KHDRBS1: variants seen among roughly 807,000 people sequenced by gnomAD.
The protein encoded by KHDRBS1 is KH domain-containing, RNA-binding, signal transduction-associated protein 1.
KHDRBS1 carries 7 observed loss-of-function variants against 48.4 expected under a neutral mutation model. The observed-to-expected ratio is 0.14, with a 90% CI of 0.08 to 0.27. The LOEUF is 0.27. KHDRBS1 is among the 10% of genes least tolerant of loss of function. The probability of loss-of-function intolerance (pLI) is 1.00; values close to 1 mark genes in which losing one functional copy is unlikely to be tolerated. For missense variants in KHDRBS1, 458 were observed against 601.2 expected, an observed-to-expected ratio of 0.76 and a Z score of 2.49; for synonymous variants, 241 against 235.8, an observed-to-expected ratio of 1.02 and a Z score of -0.20.
chr1:32,048,099 A>C (rs1358979957), downstream of KHDRBS1, among the ~76,000 whole-genome samples: 1 of 152,200 alleles, frequency 6.6e-6, no homozygotes, highest in East Asian at 1.9e-4. Flanking sequence ...TTTATCTCTC[A>C]TTTTGAATGA....
Position 32,014,122 on chromosome 1 carries a change from C to A in KHDRBS1, c.127C>A (p.Arg43=). 5.0e-6 allele frequency: 7 copies of A among 1,412,474 alleles called. No individual in the cohort carries two copies. Among genetic ancestry groups the A allele is most frequent in the Non-Finnish European group, 6.5e-6 (7 of 1,084,210 alleles). 87.5% of individuals were successfully genotyped at this position (1,412,474 alleles called of 1,614,324 possible). ...GTCTCGGCAGCCGCCGCTGCCTCAC[C>A]GGTCCCGGGGAGGCGGAGGGGGATC... ...TPSRQPPLPH[R]SRGGGGGSRG... The change falls in exon 1 of 9, where the codon CGG becomes AGG. Residue 43 remains arginine (R), a synonymous_variant. Coordinates refer to ENST00000327300, the MANE Select transcript of KHDRBS1 (RefSeq NM_006559.3).
At chr1:32,017,669 G>A (rs963449506) in intron 1 of KHDRBS1, among the ~76,000 whole-genome samples, 2 of 138,066 alleles carry the variant, frequency 1.4e-5, no homozygotes, top group African/African-American at 5.5e-5. Context: ...GTGCAATGGC[G>A]CGATCTTGGC....
chr1:32,049,391 C>T (rs1475722544), intron 10 of KHDRBS1, among the ~76,000 whole-genome samples: 2 of 151,452 alleles, frequency 1.3e-5, no homozygotes, highest in Non-Finnish European at 2.9e-5. Flanking sequence ...TTTCAAGGTT[C>T]ATCCATGTTG....
intron 4 of KHDRBS1, 72 bp from the exon 5 acceptor site, chr1:32,036,838 C>T (rs2124383705): frequency 6.7e-7 from 1 of 1,498,320 alleles, no homozygotes; most frequent in Non-Finnish European, 9.0e-7. Flanking sequence ...ATTCAAGTCT[C>T]CCGTGGACCA....
chr1:32,060,465 A>G (rs1356162291), exon 11 of KHDRBS1: 4 of 151,724 alleles, frequency 2.6e-5, no homozygotes, highest in Admixed American at 2.0e-4. Context: ...TTAACTGGCA[A>G]CTCCTACTGT....
In KHDRBS1 at chr1:32,037,825, C is replaced by G. The variant is rs776331756; in HGVS notation, c.906-10C>G. The G allele has an allele frequency of 1.9e-6, 3 of 1,609,110 alleles. No homozygotes were observed. The highest frequency in any genetic ancestry group is 2.2e-5 in the South Asian group (2 of 90,988). The stretch of plus-strand genomic sequence containing the variant: ...AAAAGCTCCATTTAAGATAAACTTT[C>G]ATTTTGTAGGGGCCGTGGTGTTGGA... On this transcript the variant is annotated splice_polypyrimidine_tract_variant and intron_variant, in intron 5 of 8. Transcript: ENST00000327300.
intron 10 of KHDRBS1, among the ~76,000 whole-genome samples, chr1:32,051,437 G>A (rs1639420699): frequency 6.6e-6 from 1 of 152,208 alleles, no homozygotes; most frequent in Non-Finnish European, 1.5e-5. Flanking sequence ...CTGAGAGTTT[G>A]TAAGTGATAG....
At chr1:32,025,631 T>A (rs979725696) in intron 1 of KHDRBS1, among the ~76,000 whole-genome samples, 1 of 147,664 alleles carries the variant, frequency 6.8e-6, no homozygotes, top group Admixed American at 6.9e-5. Context: ...CTCGAGTAGC[T>A]TCTTAGTCTT....
Position 32,013,919 on chromosome 1 carries a change from C to T in KHDRBS1, c.-77C>T. ...TCGGTCGCTACCGCTCCCGCTCTGCCACCCCCGCCAACCGCCGCTCGGGCC... is the reference window on the plus strand; with the variant it reads ...TCGGTCGCTACCGCTCCCGCTCTGCTACCCCCGCCAACCGCCGCTCGGGCC... On this transcript the variant is annotated 5_prime_UTR_variant, in exon 1 of 9. Coordinates refer to ENST00000327300, the MANE Select transcript of KHDRBS1 (RefSeq NM_006559.3). The T allele has an allele frequency of 1.5e-6, 2 of 1,304,084 alleles. No individual in the cohort carries two copies. The highest frequency in any genetic ancestry group is 1.9e-5 in the South Asian group (1 of 53,104). The allele number at this position is 1,304,084 out of a possible 1,614,324, so 80.8% of individuals were successfully genotyped here.
chr1:32,059,184 A>C (rs922195245), intron 10 of KHDRBS1, among the ~76,000 whole-genome samples: 1 of 147,228 alleles, frequency 6.8e-6, no homozygotes, highest in East Asian at 2.0e-4. Context: ...AAAAAAAAAA[A>C]CAAAACCTTT....
intron 1 of KHDRBS1, among the ~76,000 whole-genome samples, chr1:32,021,959 C>CT (rs1298804437): frequency 0.054 from 7,168 of 131,678 alleles, 272 homozygotes; most frequent in African/African-American, 0.12. Context: ...CGGCACATTT[C>CT]TTTTTTTTTT....
intron 1 of KHDRBS1, 70 bp from the exon 2 acceptor site, chr1:32,030,228 A>G: frequency 7.5e-7 from 1 of 1,326,448 alleles, no homozygotes. Flanking sequence ...ATTCCATGTT[A>G]TTGCTTTAAG....
intron 1 of KHDRBS1, among the ~76,000 whole-genome samples, chr1:32,021,959 CTT>C (rs1298804437): frequency 9.1e-5 from 12 of 131,672 alleles, no homozygotes; most frequent in African/African-American, 8.4e-5. Flanking sequence ...CGGCACATTT[CTT>C]TTTTTTTTTT....
At chr1:32,036,449 G>T (rs566497697) in intron 4 of KHDRBS1, among the ~76,000 whole-genome samples, 28 of 152,218 alleles carry the variant, frequency 1.8e-4, no homozygotes, top group Admixed American at 1.7e-3. Flanking sequence ...GATTACAGGC[G>T]TGAGCCACTG....
intron 1 of KHDRBS1, among the ~76,000 whole-genome samples, chr1:32,026,814 T>G (rs920514708): frequency 6.6e-6 from 1 of 152,116 alleles, no homozygotes; most frequent in African/African-American, 2.4e-5. Flanking sequence ...TTTGTTGTTG[T>G]GATGGAGTCT....
At chr1:32,033,557 G>A (rs985865043) in intron 4 of KHDRBS1, among the ~76,000 whole-genome samples, 3 of 152,130 alleles carry the variant, frequency 2.0e-5, no homozygotes, top group Non-Finnish European at 4.4e-5. Flanking sequence ...GGTTTTCATT[G>A]TGTACCGGTA....
chr1:32,043,953 C>G (rs1228226404), downstream of KHDRBS1: 2 of 152,516 alleles, frequency 1.3e-5, no homozygotes, highest in Middle Eastern at 3.4e-3. Context: ...TAAATTAACT[C>G]TAAAGTTAAT....
chr1:32,042,403 G>A (rs1221506439), intron 8 of KHDRBS1, 124 bp from the exon 9 acceptor site: 1 of 647,060 alleles, frequency 1.5e-6, no homozygotes, highest in East Asian at 2.8e-5. Flanking sequence ...GGAACACCAG[G>A]GGAAGTGTCA....
At chr1:32,052,837 A>T (rs1039680531) in intron 10 of KHDRBS1, 3 of 152,152 alleles carry the variant, frequency 2.0e-5, no homozygotes, top group Non-Finnish European at 4.4e-5. Flanking sequence ...AGATGTTATT[A>T]TCCCATTTTT....
Sources: gnomAD v4.1 joint callset for allele counts (sites outside exome capture counted in the v4.1 genomes callset) on GRCh38, gnomAD v4.1.1 for gene constraint, MANE v1.5 for transcripts, NCBI Gene and HGNC (gene_info 2026-07-23, HGNC 2026-07-21) for gene names.